GPD2: variants seen among roughly 807,000 people sequenced by gnomAD.
GPD2 encodes glycerol-3-phosphate dehydrogenase, mitochondrial.
GPD2 carries 54 observed loss-of-function variants against 82.4 expected under a neutral mutation model. The observed-to-expected ratio is 0.66, with a 90% CI of 0.53 to 0.82. The LOEUF (loss-of-function observed/expected upper bound fraction) is 0.82, where lower values mean the gene tolerates loss of function less well. GPD2 is among the 40% of genes least tolerant of loss of function. GPD2 has a pLI of 0.00. For synonymous variants in GPD2, 288 were observed against 306.1 expected, an observed-to-expected ratio of 0.94 and a Z score of 0.62; for missense variants, 748 against 896.2, an observed-to-expected ratio of 0.83 and a Z score of 2.11.
intron 1 of GPD2, among the ~76,000 whole-genome samples, chr2:156,456,810 G>C (rs909584384): frequency 6.6e-6 from 1 of 151,994 alleles, no homozygotes; most frequent in Non-Finnish European, 1.5e-5. Flanking sequence ...GGGGGCTGTG[G>C]GAGAGTCTGA....
In GPD2 at chr2:156,583,264, A is replaced by G. The variant is rs971941151; in HGVS notation, c.*346A>G. 1 of 314,896 alleles carries G rather than the reference A, an allele frequency of 3.2e-6. No homozygotes were observed. Among genetic ancestry groups the G allele is most frequent in the African/African-American group, 2.2e-5 (1 of 46,260 alleles). 19.5% of individuals were successfully genotyped at this position (314,896 alleles called of 1,614,324 possible). On this transcript the variant is annotated 3_prime_UTR_variant, in exon 17 of 17. Coordinates refer to ENST00000438166, the MANE Select transcript of GPD2 (RefSeq NM_000408.5). ...TCTAAAAACATAATATTTTGGCAAA[A>G]ATTGAAAAAAGCTGGAGACATTTTG...
chr2:156,406,162 T>TC, the GPD2 span, among the ~76,000 whole-genome samples: 3 of 152,162 alleles, frequency 2.0e-5, no homozygotes, highest in African/African-American at 7.2e-5. Context: ...GGATTGCCCT[T>TC]TACTGGCTGG....
intron 1 of GPD2, among the ~76,000 whole-genome samples, chr2:156,459,493 T>C (rs142651793): frequency 0.02 from 3,110 of 151,784 alleles, 118 homozygotes; most frequent in African/African-American, 0.071. Context: ...GAGACCATCC[T>C]GGCCAACATG....
At chr2:156,447,470 G>A (rs988135736) in intron 1 of GPD2, among the ~76,000 whole-genome samples, 2 of 152,048 alleles carry the variant, frequency 1.3e-5, no homozygotes, top group African/African-American at 4.8e-5. Context: ...GAGTGGCTGG[G>A]ACCCCAGGTT....
chr2:156,452,746 G>A (rs886354830), intron 1 of GPD2, among the ~76,000 whole-genome samples: 1 of 152,206 alleles, frequency 6.6e-6, no homozygotes, highest in Non-Finnish European at 1.5e-5. Flanking sequence ...GAAGGTAGGA[G>A]AGAGTGGTGG....
rs541343984 is a variant in GPD2, at chr2:156,527,123, C to T, written c.661+13627C>T. On this transcript the variant is annotated intron_variant, in intron 6 of 16. Coordinates refer to ENST00000438166, the MANE Select transcript of GPD2 (RefSeq NM_000408.5). The stretch of plus-strand genomic sequence containing the variant: ...TTATTCTGCAGATGACACACAGCAG[C>T]TTTCTTAGTGTAATGGAAAGCCAGC... Among the ~76,000 whole-genome samples the T allele has an allele frequency of 2.0e-5, 3 of 152,136 alleles. No homozygotes were observed. The East Asian group carries it at 5.8e-4, about 29-fold the overall frequency.
intron 6 of GPD2, among the ~76,000 whole-genome samples, chr2:156,547,839 G>C (rs759250432): frequency 7.9e-5 from 12 of 152,068 alleles, no homozygotes; most frequent in Non-Finnish European, 1.8e-4. Context: ...TTTTCTAAAG[G>C]AACTATCATT....
chr2:156,518,812 A>T (rs1685292241), intron 6 of GPD2, among the ~76,000 whole-genome samples: 1 of 152,230 alleles, frequency 6.6e-6, no homozygotes, highest in Non-Finnish European at 1.5e-5. Flanking sequence ...AATCAGACAG[A>T]TATTAATTTC....
intron 14 of GPD2, 39 bp downstream of exon 14, chr2:156,579,040 T>C (rs1558972159): frequency 6.5e-7 from 1 of 1,549,710 alleles, no homozygotes; most frequent in Non-Finnish European, 8.9e-7. Flanking sequence ...TCTTTTTTTT[T>C]GGCCTATGTA....
chr2:156,543,057 G>A (rs1425909823), intron 6 of GPD2, among the ~76,000 whole-genome samples: 2 of 152,194 alleles, frequency 1.3e-5, no homozygotes, highest in Middle Eastern at 3.4e-3. Context: ...GCCACTTACC[G>A]TCTTAATCAT....
chr2:156,466,567 G>A (rs987871727), intron 1 of GPD2, among the ~76,000 whole-genome samples: 1 of 152,064 alleles, frequency 6.6e-6, no homozygotes, highest in East Asian at 1.9e-4. Context: ...GTAAAAAATC[G>A]GGTCTTAAAT....
In GPD2 at chr2:156,584,467, C is replaced by T. The variant is rs146407303; in HGVS notation, c.*1549C>T. The T allele has an allele frequency of 2.0e-4, 31 of 152,474 alleles. No homozygotes were observed. In the East Asian group the frequency reaches 2.7e-3, roughly 13 times the overall value. The allele number at this position is 152,474 out of a possible 1,614,324, so 9.4% of individuals were successfully genotyped here. A position where few individuals can be genotyped will look rare whatever the true frequency, so the allele number is the denominator to read the frequency against. ...ATGCCTTATTCAAGTGGATTCTGAG[C>T]CTGTATGTCACAATGTAAACACTGG... On this transcript the variant is annotated 3_prime_UTR_variant, in exon 17 of 17. Coordinates refer to ENST00000438166, the MANE Select transcript of GPD2 (RefSeq NM_000408.5).
Position 156,505,935 on chromosome 2 carries a change from A to T in GPD2, c.275-4861A>T, listed in dbSNP as rs1158679964. On this transcript the variant is annotated intron_variant, in intron 3 of 16. Coordinates refer to ENST00000438166, the MANE Select transcript of GPD2 (RefSeq NM_000408.5). Reference sequence around the variant, plus strand: ...ACAATTTGGATTTTTGAGAATTGAAACAGAAAGGGACAGATTAGATAACAG... The same window carrying T: ...ACAATTTGGATTTTTGAGAATTGAATCAGAAAGGGACAGATTAGATAACAG... 3.3e-5 allele frequency among the ~76,000 whole-genome samples: 5 copies of T among 152,320 alleles called. No homozygotes were observed. The East Asian group carries it at 9.6e-4, about 29-fold the overall frequency.
intron 1 of GPD2, among the ~76,000 whole-genome samples, chr2:156,451,636 G>C (rs1682590571): frequency 7.0e-6 from 1 of 142,676 alleles, no homozygotes; most frequent in Non-Finnish European, 1.5e-5. Flanking sequence ...TTCCCAGTAG[G>C]GGCGGCTGGG....
At chr2:156,570,346 T>G (rs1030722678) in intron 12 of GPD2, 128 bp downstream of exon 12, 1 of 795,978 alleles carries the variant, frequency 1.3e-6, no homozygotes, top group African/African-American at 1.7e-5. Context: ...CCAGGACTAC[T>G]ATGTCTTTCC....
chr2:156,498,099 A>G (rs1684449349), intron 3 of GPD2, among the ~76,000 whole-genome samples: 1 of 152,174 alleles, frequency 6.6e-6, no homozygotes, highest in African/African-American at 2.4e-5. Context: ...GATTCAGGAA[A>G]GTGTATTTCT....
chr2:156,521,338 A>G (rs1685399701), intron 6 of GPD2, among the ~76,000 whole-genome samples: 1 of 152,228 alleles, frequency 6.6e-6, no homozygotes, highest in African/African-American at 2.4e-5. Flanking sequence ...ATCAATCAGC[A>G]ATATGGAAGG....
At chr2:156,566,511 A>G (rs1310354728) in intron 9 of GPD2, among the ~76,000 whole-genome samples, 11 of 152,260 alleles carry the variant, frequency 7.2e-5, no homozygotes, top group South Asian at 4.1e-4. Context: ...ATTTAGCACA[A>G]TGTCTTCAAG....
At chr2:156,512,076 T>C (rs1450607727) in intron 4 of GPD2, 144 bp from the exon 5 acceptor site, 1 of 671,838 alleles carries the variant, frequency 1.5e-6, no homozygotes. Flanking sequence ...TGATGTATTA[T>C]TAGAAATTTG....
Sources: allele counts gnomAD v4.1 joint callset (sites outside exome capture counted in the v4.1 genomes callset), GRCh38; gene constraint gnomAD v4.1.1; transcripts MANE v1.5; gene names NCBI Gene and HGNC (gene_info 2026-07-23, HGNC 2026-07-21).